Variants in KCNH7 observed in about 807,000 individuals in gnomAD.
KCNH7 encodes voltage-gated inwardly rectifying potassium channel KCNH7.
A neutral mutation model predicts 120.8 loss-of-function variants in KCNH7; 49 were observed. The ratio of observed to expected loss-of-function variants is 0.41; its 90% CI spans 0.32 to 0.51. The LOEUF is 0.51. Among genes scored for constraint, KCNH7 ranks in the 20% least tolerant of loss-of-function variants. The probability of loss-of-function intolerance (pLI) is 0.38; values close to 1 mark genes in which losing one functional copy is unlikely to be tolerated. For missense variants in KCNH7, 1,097 were observed against 1,446.6 expected, an observed-to-expected ratio of 0.76 and a Z score of 3.92; for synonymous variants, 547 against 516.1, an observed-to-expected ratio of 1.06 and a Z score of -0.81.
intron 2 of KCNH7, among the ~76,000 whole-genome samples, chr2:162,583,136 G>A (rs562336594): frequency 6.6e-6 from 1 of 152,110 alleles, no homozygotes; most frequent in African/African-American, 2.4e-5. Flanking sequence ...AAGTCTGCCT[G>A]ACTAATAGCT....
intron 6 of KCNH7, among the ~76,000 whole-genome samples, chr2:162,478,037 G>A (rs1318294641): frequency 1.3e-5 from 2 of 152,210 alleles, no homozygotes; most frequent in African/African-American, 4.8e-5. Flanking sequence ...AAGATAAAAG[G>A]AAGGCACTGT....
At chr2:162,610,590 T>C (rs1284722233) in intron 2 of KCNH7, among the ~76,000 whole-genome samples, 1 of 152,248 alleles carries the variant, frequency 6.6e-6, no homozygotes, top group Non-Finnish European at 1.5e-5. Flanking sequence ...TTCCTAGCCC[T>C]GGTTTTCTCC....
intron 2 of KCNH7, among the ~76,000 whole-genome samples, chr2:162,819,837 C>A (rs1350817527): frequency 6.6e-6 from 1 of 152,026 alleles, no homozygotes; most frequent in Non-Finnish European, 1.5e-5. Context: ...GAAAATAATT[C>A]CGAATGAAAG....
chr2:162,536,416 GA>G (rs767388557), intron 3 of KCNH7, among the ~76,000 whole-genome samples: 28 of 151,890 alleles, frequency 1.8e-4, no homozygotes, highest in Non-Finnish European at 3.1e-4. Flanking sequence ...CAATAGTTGA[GA>G]AAACGGATTC....
chr2:162,463,430 T>A, intron 6 of KCNH7, among the ~76,000 whole-genome samples: 1 of 151,892 alleles, frequency 6.6e-6, no homozygotes, highest in African/African-American at 2.4e-5. Context: ...TATTGTTTCA[T>A]CTCTATGAAA....
chr2:162,838,338 T>C (rs1685733759), intron 1 of KCNH7, 105 bp downstream of exon 1: 7 of 880,034 alleles, frequency 8.0e-6, no homozygotes, highest in Non-Finnish European at 9.4e-6. Context: ...CCTCTTAAGT[T>C]GACAGAGCCT....
chr2:162,375,938 G>T (rs1003544612), intron 14 of KCNH7, among the ~76,000 whole-genome samples: 1 of 150,372 alleles, frequency 6.7e-6, no homozygotes, highest in Non-Finnish European at 1.5e-5. Context: ...CTTATACTGA[G>T]ACTAAATAGC....
At chr2:162,465,878 A>G (rs1308328140) in intron 6 of KCNH7, among the ~76,000 whole-genome samples, 1 of 152,184 alleles carries the variant, frequency 6.6e-6, no homozygotes, top group Non-Finnish European at 1.5e-5. Context: ...ACTGCCCACC[A>G]TTAATTACTT....
At chr2:162,615,701 T>C (rs1297544259) in intron 2 of KCNH7, among the ~76,000 whole-genome samples, 2 of 152,186 alleles carry the variant, frequency 1.3e-5, no homozygotes, top group Non-Finnish European at 2.9e-5. Context: ...TTTTTATTTA[T>C]TGTTAAGGTG....
intron 2 of KCNH7, among the ~76,000 whole-genome samples, chr2:162,575,574 CAT>C (rs1693641493): frequency 6.6e-6 from 1 of 152,006 alleles, no homozygotes; most frequent in African/African-American, 2.4e-5. Flanking sequence ...TGTTTACCCC[CAT>C]GTTTCCTGAA....
intron 2 of KCNH7, among the ~76,000 whole-genome samples, chr2:162,644,798 T>C (rs1428460440): frequency 6.6e-6 from 1 of 152,162 alleles, no homozygotes; most frequent in Non-Finnish European, 1.5e-5. Flanking sequence ...GTTTATCTTC[T>C]CCAAAAACCT....
At chr2:162,426,969 C>T (rs1210960386) in intron 8 of KCNH7, among the ~76,000 whole-genome samples, 2 of 151,658 alleles carry the variant, frequency 1.3e-5, no homozygotes, top group Non-Finnish European at 2.9e-5. Context: ...TTATAATGTA[C>T]ATATTCATTA....
At chr2:162,757,932 T>C (rs1339333953) in intron 2 of KCNH7, among the ~76,000 whole-genome samples, 1 of 152,154 alleles carries the variant, frequency 6.6e-6, no homozygotes, top group Middle Eastern at 3.2e-3. Context: ...TTCCTTATTC[T>C]CAATAAGCTC....
intron 2 of KCNH7, among the ~76,000 whole-genome samples, chr2:162,674,257 G>C (rs966135853): frequency 7.2e-5 from 11 of 151,728 alleles, no homozygotes; most frequent in Admixed American, 3.3e-4. Flanking sequence ...AATGATAGTA[G>C]CAGAATTATT....
chr2:162,507,195 G>T (rs997527578), intron 5 of KCNH7, among the ~76,000 whole-genome samples: 2 of 151,626 alleles, frequency 1.3e-5, no homozygotes, highest in African/African-American at 4.8e-5. Flanking sequence ...GTAGCCAATA[G>T]AATATTTCAG....
At chr2:162,640,338 T>C (rs1684106680) in intron 2 of KCNH7, among the ~76,000 whole-genome samples, 1 of 152,094 alleles carries the variant, frequency 6.6e-6, no homozygotes, top group Non-Finnish European at 1.5e-5. Flanking sequence ...ATGTTATTAG[T>C]GGAAGCATAG....
chr2:162,622,831 T>A (rs2105198499), intron 2 of KCNH7, among the ~76,000 whole-genome samples: 1 of 152,308 alleles, frequency 6.6e-6, no homozygotes, highest in South Asian at 2.1e-4. Context: ...TAAGAGGTAC[T>A]GTCATGAAAT....
At chr2:162,641,557 A>C (rs909233838) in intron 2 of KCNH7, among the ~76,000 whole-genome samples, 2 of 152,078 alleles carry the variant, frequency 1.3e-5, no homozygotes, top group Non-Finnish European at 2.9e-5. Context: ...TGTATTTAAA[A>C]AAAAAAAAAG....
intron 2 of KCNH7, among the ~76,000 whole-genome samples, chr2:162,832,865 C>T (rs1237285128): frequency 6.6e-6 from 1 of 152,094 alleles, no homozygotes; most frequent in Non-Finnish European, 1.5e-5. Context: ...TCAAAATCTA[C>T]CTCTGAAACT....
Sources: allele counts gnomAD v4.1 joint callset (sites outside exome capture counted in the v4.1 genomes callset), GRCh38; gene constraint gnomAD v4.1.1; transcripts MANE v1.5; gene names NCBI Gene and HGNC (gene_info 2026-07-23, HGNC 2026-07-21).